The following CFAP74 variants were observed in gnomAD, a reference collection of about 807,000 sequenced individuals.
CFAP74 encodes cilia and flagella associated protein 74.
A neutral mutation model predicts 188.9 loss-of-function variants in CFAP74; 124 were observed. The ratio of observed to expected loss-of-function variants is 0.66; its 90% CI spans 0.57 to 0.76. The LOEUF (loss-of-function observed/expected upper bound fraction) is 0.76, where lower values mean the gene tolerates loss of function less well. CFAP74 is among the 30% of genes least tolerant of loss of function. The pLI, the probability that CFAP74 is intolerant of heterozygous loss-of-function variation, is 0.00. For synonymous variants in CFAP74, 956 were observed against 916.7 expected (o/e 1.04, Z -0.77); for missense variants, 2,198 against 2,165.2 (o/e 1.02, Z -0.30).
In CFAP74 at chr1:1,938,926, G is replaced by C; in HGVS notation, c.2940C>G (p.Phe980Leu). ...CCTTGGTGGGCTGGAAGATCACACA[G>C]AACTGCAGCGTTTCCAGGGGCAGGA... Reference protein sequence around the residue: ...GTILPLETLQFCVIFQPTKAE... With the variant: ...GTILPLETLQLCVIFQPTKAE... Residue 980 changes from phenylalanine to leucine, a missense_variant, in exon 25 of 39, where the codon TTC becomes TTG. Coordinates refer to ENST00000682832, the MANE Select transcript of CFAP74 (RefSeq NM_001304360.2). The C allele has an allele frequency of 2.0e-6, 3 of 1,536,172 alleles. No homozygotes were observed. The highest frequency in any genetic ancestry group is 1.7e-6 in the Non-Finnish European group (2 of 1,146,906).
chr1:1,955,242 T>C lies in CFAP74; in HGVS notation c.2176+449A>G, dbSNP rs927453371. The C allele has an allele frequency of 5.4e-5, 70 of 1,290,806 alleles. No individual in the cohort carries two copies. The Admixed American group carries it at 1.6e-3, about 30-fold the overall frequency. The allele number at this position is 1,290,806 out of a possible 1,614,324, so 80.0% of individuals were successfully genotyped here. A position where few individuals can be genotyped will look rare whatever the true frequency, so the allele number is the denominator to read the frequency against. On this transcript the variant is annotated intron_variant, in intron 18 of 38. Coordinates refer to ENST00000682832, the MANE Select transcript of CFAP74 (RefSeq NM_001304360.2). ...AGAAGCAAGGAGGAGACGCAAGCGA[T>C]TCCCGATGGCGGCGGGCTGCAGGGC...
At chr1:1,929,993 C>T (rs1340504307) in intron 26 of CFAP74, 67 bp downstream of exon 26, 4 of 1,454,652 alleles carry the variant, frequency 2.7e-6, no homozygotes, top group African/African-American at 2.8e-5. Flanking sequence ...GAGCCAGACA[C>T]CCCAGGGGTA....
chr1:1,957,382 C>T (rs977787933), intron 16 of CFAP74, among the ~76,000 whole-genome samples: 5 of 152,206 alleles, frequency 3.3e-5, no homozygotes, highest in Admixed American at 1.3e-4. Flanking sequence ...GACCAGGGGC[C>T]ACCGACGCAA....
intron 22 of CFAP74, among the ~76,000 whole-genome samples, chr1:1,940,699 A>G (rs1190073644): frequency 1.3e-5 from 2 of 152,252 alleles, no homozygotes; most frequent in Non-Finnish European, 2.9e-5. Context: ...TTCAATAGCC[A>G]TGTTTCAAAT....
chr1:1,931,221 A>C (rs1381517685), intron 25 of CFAP74, among the ~76,000 whole-genome samples: 2 of 151,954 alleles, frequency 1.3e-5, no homozygotes, highest in Non-Finnish European at 2.9e-5. Flanking sequence ...CGAGGTCAGG[A>C]GATCGAGACC....
At chr1:1,984,235 C>A (rs1208077400) in intron 6 of CFAP74, 1 of 152,138 alleles carries the variant, frequency 6.6e-6, no homozygotes, top group Non-Finnish European at 1.5e-5. Flanking sequence ...CTCAGGTGAT[C>A]CACCAGCCTG....
intron 9 of CFAP74, among the ~76,000 whole-genome samples, chr1:1,971,216 C>T (rs188113989): frequency 4.6e-5 from 7 of 151,978 alleles, no homozygotes; most frequent in Admixed American, 1.3e-4. Flanking sequence ...CACCTGCACA[C>T]ATACGCGTGC....
At chr1:1,949,673 C>T (rs986532092) in intron 18 of CFAP74, among the ~76,000 whole-genome samples, 2 of 152,154 alleles carry the variant, frequency 1.3e-5, no homozygotes, top group African/African-American at 4.8e-5. Context: ...ACCCTTTCCC[C>T]TGCCCCAGCA....
Position 1,926,237 on chromosome 1 carries a change from C to G in CFAP74, c.3939G>C (p.Glu1313Asp). The change falls in exon 32 of 39, where the codon GAG (glutamate) becomes GAC (aspartate). Residue 1313 changes from glutamate (E) to aspartate (D), a missense_variant. Physicochemically the swap from Glu to Asp is conservative, Grantham distance 45. Transcript: ENST00000682832. ...TGGGCCTGGGACTCACCAGGATGCT[C>G]TCGTGGGGAGAGAAGGAAAGCACCA... Reference protein sequence around the residue: ...QVLVLSFSPHESILAQETLDI... With the variant: ...QVLVLSFSPHDSILAQETLDI... 1 of 1,512,896 alleles carries G rather than the reference C, an allele frequency of 6.6e-7. No individual in the cohort carries two copies. Among genetic ancestry groups the G allele is most frequent in the South Asian group, 1.3e-5 (1 of 77,120 alleles). The allele number at this position is 1,512,896 out of a possible 1,614,324, so 93.7% of individuals were successfully genotyped here. A position where few individuals can be genotyped will look rare whatever the true frequency, so the allele number is the denominator to read the frequency against.
intron 6 of CFAP74, among the ~76,000 whole-genome samples, chr1:1,974,431 G>A (rs1656305799): frequency 6.6e-6 from 1 of 152,158 alleles, no homozygotes; most frequent in African/African-American, 2.4e-5. Flanking sequence ...GCTAGAGCCT[G>A]GCCTGCACTC....
chr1:1,935,368 G>A (rs113262199), intron 25 of CFAP74, among the ~76,000 whole-genome samples: 1 of 94,836 alleles, frequency 1.1e-5, no homozygotes, highest in Non-Finnish European at 2.3e-5. Flanking sequence ...ACACACGTGT[G>A]TATGTGGGTG....
In CFAP74 at chr1:1,924,297, A is replaced by G. The variant is rs893094830; in HGVS notation, c.4234+94T>C. 3.4e-4 allele frequency: 69 copies of G among 201,282 alleles called. 1 individual carries two copies. The highest frequency in any genetic ancestry group is 2.4e-4 in the Non-Finnish European group (32 of 132,770). The allele number at this position is 201,282 out of a possible 1,614,324, so 12.5% of individuals were successfully genotyped here. A position where few individuals can be genotyped will look rare whatever the true frequency, so the allele number is the denominator to read the frequency against. On this transcript the variant is annotated intron_variant, in intron 34 of 38. Coordinates refer to ENST00000682832, the MANE Select transcript of CFAP74 (RefSeq NM_001304360.2). The stretch of plus-strand genomic sequence containing the variant: ...AGCCCATCTCATTGCCCAGCCCCCT[A>G]TCTCACCAACTGTCCCCCTCCAGGC...
intron 18 of CFAP74, chr1:1,954,741 C>T (rs1023200149): frequency 6.3e-5 from 63 of 1,003,894 alleles, no homozygotes; most frequent in Non-Finnish European, 7.3e-5. Flanking sequence ...TGTGACTGCA[C>T]CACTGCACTC....
chr1:1,946,478 A>C, intron 19 of CFAP74, 39 bp from the exon 20 acceptor site: 1 of 1,499,516 alleles, frequency 6.7e-7, no homozygotes, highest in East Asian at 2.5e-5. Flanking sequence ...GCCAGGCTTC[A>C]TGGCTTTTAA....
At chr1:1,949,806 G>A (rs1278348371) in intron 18 of CFAP74, among the ~76,000 whole-genome samples, 1 of 152,072 alleles carries the variant, frequency 6.6e-6, no homozygotes, top group East Asian at 1.9e-4. Context: ...CTTTCCCTTA[G>A]CATGATGCAT....
At position 1,942,278 on chromosome 1, in the gene CFAP74, C is replaced by G. The variant is rs898220464; in HGVS notation, c.2487-122G>C. On this transcript the variant is annotated intron_variant, in intron 21 of 38. Transcript: ENST00000682832. This position sits in a 1 kb window ranked among gnomAD's most constrained non-coding sequence, Gnocchi z 4.3. ...CCCCCGAGAGGTGCTCAGAGCCCACCCACTCCAAGCCATGCACGTGCACCT... is the reference window on the plus strand; with the variant it reads ...CCCCCGAGAGGTGCTCAGAGCCCACGCACTCCAAGCCATGCACGTGCACCT... 26 of 946,742 alleles carry G rather than the reference C, an allele frequency of 2.7e-5. No individual in the cohort carries two copies. The African/African-American group carries it at 3.8e-4, about 14-fold the overall frequency. 58.6% of individuals were successfully genotyped at this position (946,742 alleles called of 1,614,324 possible).
intron 8 of CFAP74, 50 bp from the exon 9 acceptor site, chr1:1,972,132 G>A: frequency 1.4e-6 from 2 of 1,387,044 alleles, no homozygotes; most frequent in Non-Finnish European, 2.0e-6. Context: ...CCAGGCTGGT[G>A]TGCAGTGGTG....
intron 8 of CFAP74, 39 bp downstream of exon 8, chr1:1,972,898 C>T (rs1375665408): frequency 7.7e-7 from 1 of 1,296,836 alleles, no homozygotes; most frequent in Non-Finnish European, 1.1e-6. Context: ...GACCCGTATT[C>T]TTGGGTTTCT....
chr1:2,002,859 TTAAC>T (rs1208815866), intron 1 of CFAP74, among the ~76,000 whole-genome samples: 2 of 150,750 alleles, frequency 1.3e-5, no homozygotes, highest in African/African-American at 4.9e-5. Context: ...TAAGTGAAAG[TTAAC>T]TATATTGTTT....
Sources: gnomAD v4.1 joint callset for allele counts (sites outside exome capture counted in the v4.1 genomes callset) on GRCh38, gnomAD v4.1.1 for gene constraint, Gnocchi (gnomAD v3.1) non-coding constraint, MANE v1.5 for transcripts, NCBI Gene and HGNC (gene_info 2026-07-23, HGNC 2026-07-21) for gene names.